CCDC86: variants seen among roughly 807,000 people sequenced by gnomAD.
The protein encoded by CCDC86 is coiled-coil domain-containing protein 86.
CCDC86 carries 28 observed loss-of-function variants against 36.7 expected under a neutral mutation model. The observed-to-expected ratio is 0.76, with a 90% CI of 0.57 to 1.05. CCDC86 has a LOEUF of 1.05. Ranked by LOEUF, CCDC86 falls within the 50% of genes least tolerant of loss-of-function variation. CCDC86 has a pLI of 0.00. For synonymous variants in CCDC86, 199 were observed against 203.4 expected (o/e 0.98, Z 0.18); for missense variants, 453 against 470.2 (o/e 0.96, Z 0.34).
chr11:60,842,928 T>A (rs759472767), intron 1 of CCDC86, 46 bp downstream of exon 1: 56 of 1,519,926 alleles, frequency 3.7e-5, no homozygotes, highest in Non-Finnish European at 4.8e-5. Flanking sequence ...CTCTATGGTG[T>A]TGGGACCCCG....
At position 60,850,597 on chromosome 11, in the gene CCDC86, C is replaced by G; in HGVS notation, c.*272C>G. 2.1e-6 allele frequency: 1 copy of G among 471,374 alleles called. No homozygotes were observed. 29.2% of individuals were successfully genotyped at this position (471,374 alleles called of 1,614,324 possible). A position where few individuals can be genotyped will look rare whatever the true frequency, so the allele number is the denominator to read the frequency against. ...CTTCCTCTCCTTCTCCAAGTGCCTTCAAACCAAGAACTGTACATTCTTCTG... is the reference window on the plus strand; with the variant it reads ...CTTCCTCTCCTTCTCCAAGTGCCTTGAAACCAAGAACTGTACATTCTTCTG... On this transcript the variant is annotated 3_prime_UTR_variant, in exon 4 of 4. Transcript: ENST00000227520.
chr11:60,844,822 G>A (rs1355924086), intron 1 of CCDC86, among the ~76,000 whole-genome samples: 1 of 152,196 alleles, frequency 6.6e-6, no homozygotes, highest in Non-Finnish European at 1.5e-5. Flanking sequence ...CTGAACAAGT[G>A]GATGAATTGA....
chr11:60,847,695 C>T (rs1855203239), intron 1 of CCDC86: 6 of 389,140 alleles, frequency 1.5e-5, no homozygotes, highest in South Asian at 1.3e-4. Flanking sequence ...GATAGGAGTA[C>T]CCACCTCAGA....
intron 2 of CCDC86, among the ~76,000 whole-genome samples, chr11:60,848,758 G>A (rs1029378450): frequency 3.9e-5 from 6 of 152,106 alleles, no homozygotes; most frequent in African/African-American, 1.4e-4. Flanking sequence ...TGCCGAACGG[G>A]ATTCAGACAA....
chr11:60,844,877 T>C (rs1855164274), intron 1 of CCDC86, among the ~76,000 whole-genome samples: 1 of 152,238 alleles, frequency 6.6e-6, no homozygotes, highest in African/African-American at 2.4e-5. Context: ...TGCTCAGATC[T>C]TGGGTAAACA....
At position 60,850,198 on chromosome 11, in the gene CCDC86, A is replaced by G; in HGVS notation, c.964-8A>G. 2 of 1,613,244 alleles carry G rather than the reference A, an allele frequency of 1.2e-6. No individual in the cohort carries two copies. Among genetic ancestry groups the G allele is most frequent in the Non-Finnish European group, 8.5e-7 (1 of 1,179,802 alleles). On this transcript the variant is annotated splice_polypyrimidine_tract_variant and splice_region_variant and intron_variant, in intron 3 of 3. Transcript: ENST00000227520. ...TGCACTAATGTCCTCCCCTCATACC[A>G]CCCCCAGATCCGAAACCCCGCCAAG...
At chr11:60,848,930 G>T (rs1356097016) in intron 2 of CCDC86, among the ~76,000 whole-genome samples, 1 of 152,290 alleles carries the variant, frequency 6.6e-6, no homozygotes, top group Admixed American at 6.5e-5. Context: ...CTCTTTTCCT[G>T]TGTGGCCCTG....
In CCDC86 at chr11:60,850,468, C is replaced by A; in HGVS notation, c.*143C>A. The A allele has an allele frequency of 1.8e-6, 2 of 1,142,198 alleles. No homozygotes were observed. The highest frequency in any genetic ancestry group is 2.4e-6 in the Non-Finnish European group (2 of 828,592). 70.8% of individuals were successfully genotyped at this position (1,142,198 alleles called of 1,614,324 possible). A position where few individuals can be genotyped will look rare whatever the true frequency, so the allele number is the denominator to read the frequency against. ...GACCCCCACCCCGACCGGGGCTCCTCGGCCTTTGAAGGCTTCCAGGCAGGT... is the reference window on the plus strand; with the variant it reads ...GACCCCCACCCCGACCGGGGCTCCTAGGCCTTTGAAGGCTTCCAGGCAGGT... On this transcript the variant is annotated 3_prime_UTR_variant, in exon 4 of 4. Transcript: ENST00000227520.
In CCDC86 at chr11:60,842,193, C is replaced by A. The variant is rs778234634; in HGVS notation, c.69C>A (p.Thr23=). The A allele has an allele frequency of 6.2e-7, 1 of 1,613,226 alleles. No individual in the cohort carries two copies. The highest frequency in any genetic ancestry group is 1.1e-5 in the South Asian group (1 of 91,062). Residue 23 remains threonine (T), a synonymous_variant, in exon 1 of 4, where the codon ACC becomes ACA. Transcript: ENST00000227520. ...GLRPESPESL[T]SVSRTRRALV... The stretch of plus-strand genomic sequence containing the variant: ...GGCCCGAATCCCCCGAGAGCCTCAC[C>A]TCAGTTTCGCGGACGAGACGGGCCC...
At position 60,847,742 on chromosome 11, in the gene CCDC86, C is replaced by T. The variant is rs1023869844; in HGVS notation, c.759-182C>T. On this transcript the variant is annotated intron_variant, in intron 1 of 3. Coordinates refer to ENST00000227520, the MANE Select transcript of CCDC86 (RefSeq NM_024098.4). Reference sequence around the variant, plus strand: ...AAGGCTTGAGAAATGGCAGCCAGCACGATCAGGGTTCCCTCCCGCCCCAAG... The same window carrying T: ...AAGGCTTGAGAAATGGCAGCCAGCATGATCAGGGTTCCCTCCCGCCCCAAG... 81 of 647,418 alleles carry T rather than the reference C, an allele frequency of 1.3e-4. 1 individual carries two copies. The highest frequency in any genetic ancestry group is 7.4e-4 in the Middle Eastern group (2 of 2,720). The allele number at this position is 647,418 out of a possible 1,614,324, so 40.1% of individuals were successfully genotyped here. A position where few individuals can be genotyped will look rare whatever the true frequency, so the allele number is the denominator to read the frequency against.
At chr11:60,846,238 A>T (rs1466018546) in intron 1 of CCDC86, among the ~76,000 whole-genome samples, 1 of 152,156 alleles carries the variant, frequency 6.6e-6, no homozygotes, top group Admixed American at 6.5e-5. Flanking sequence ...TTATGGGGGA[A>T]GTCCATGTGG....
Position 60,842,208 on chromosome 11 carries a change from G to C in CCDC86, c.84G>C (p.Thr28=), listed in dbSNP as rs746085514. Residue 28 remains threonine, a synonymous_variant, in exon 1 of 4, where the codon ACG becomes ACC. Transcript: ENST00000227520. ...AGAGCCTCACCTCAGTTTCGCGGAC[G>C]AGACGGGCCCTTGTGGAGTTCGAGT... is the stretch of plus-strand genomic sequence containing the variant. ...SPESLTSVSR[T]RRALVEFESN... 6.2e-7 allele frequency: 1 copy of C among 1,613,324 alleles called. No individual in the cohort carries two copies. Among genetic ancestry groups the C allele is most frequent in the Non-Finnish European group, 8.5e-7 (1 of 1,179,852 alleles).
rs1009923469 is a variant in CCDC86 at position 60,844,496 on chromosome 11, G to A, written c.758+1614G>A. On this transcript the variant is annotated intron_variant, in intron 1 of 3. Transcript: ENST00000227520. ...CCCTCCTTCCTCAGCGCCTTCACAC[G>A]TGCTGTTCCCACTGTTTGAAAGGCT... 4.6e-5 allele frequency among the ~76,000 whole-genome samples: 7 copies of A among 152,160 alleles called. No homozygotes were observed. In the South Asian group the frequency reaches 6.2e-4, roughly 14 times the overall value.
At chr11:60,847,621 A>G (rs1855202319) in intron 1 of CCDC86, 1 of 176,748 alleles carries the variant, frequency 5.7e-6, no homozygotes, top group Non-Finnish European at 1.2e-5. Context: ...TGACTGCCAC[A>G]AGGTATCTTT....
chr11:60,845,017 C>T lies in CCDC86; in HGVS notation c.758+2135C>T, dbSNP rs1590572070. 3.3e-5 allele frequency among the ~76,000 whole-genome samples: 5 copies of T among 152,240 alleles called. 1 individual carries two copies. The highest frequency in any genetic ancestry group is 3.3e-4 in the Admixed American group (5 of 15,288). Reference sequence around the variant, plus strand: ...AAGAAAAATAAACCAGGATGGGGACCAGAGAATAACAGGGAGGGCAGGGTA... The same window carrying T: ...AAGAAAAATAAACCAGGATGGGGACTAGAGAATAACAGGGAGGGCAGGGTA... On this transcript the variant is annotated intron_variant, in intron 1 of 3. Transcript: ENST00000227520.
chr11:60,850,440 A>G lies in CCDC86; in HGVS notation c.*115A>G, dbSNP rs7125995. 148,804 of 1,366,664 alleles carry G rather than the reference A, an allele frequency of 0.11. 8,737 individuals are homozygous for G. Among genetic ancestry groups the G allele is most frequent in the Middle Eastern group, 0.18 (670 of 3,816 alleles). 84.7% of individuals were successfully genotyped at this position (1,366,664 alleles called of 1,614,324 possible). On this transcript the variant is annotated 3_prime_UTR_variant, in exon 4 of 4. Transcript: ENST00000227520. Reference sequence around the variant, plus strand: ...CACTCCAAACCCATGGCTCCAGAACAGGGACCCCCACCCCGACCGGGGCTC... The same window carrying G: ...CACTCCAAACCCATGGCTCCAGAACGGGGACCCCCACCCCGACCGGGGCTC...
At position 60,842,681 on chromosome 11, in the gene CCDC86, C is replaced by T; in HGVS notation, c.557C>T (p.Pro186Leu). Reference sequence around the variant, plus strand: ...CTACTGGAGCTGACACCCAGGGCACCTGGCTCCCCCCGGGGTCAGCATGAG... The same window carrying T: ...CTACTGGAGCTGACACCCAGGGCACTTGGCTCCCCCCGGGGTCAGCATGAG... ...QPLLELTPRA[P>L]GSPRGQHEPS... The change falls in exon 1 of 4, where the codon CCT becomes CTT. Residue 186 changes from proline (P) to leucine (L), a missense_variant. Transcript: ENST00000227520. 1.2e-6 allele frequency: 2 copies of T among 1,613,894 alleles called. No individual in the cohort carries two copies. The highest frequency in any genetic ancestry group is 1.3e-5 in the African/African-American group (1 of 75,054).
At position 60,850,655 on chromosome 11, in the gene CCDC86, T is replaced by G; in HGVS notation, c.*330T>G. 1 of 310,844 alleles carries G rather than the reference T, an allele frequency of 3.2e-6. No homozygotes were observed. The highest frequency in any genetic ancestry group is 6.2e-5 in the East Asian group (1 of 16,104). The allele number at this position is 310,844 out of a possible 1,614,324, so 19.3% of individuals were successfully genotyped here. On this transcript the variant is annotated 3_prime_UTR_variant, in exon 4 of 4. Coordinates refer to ENST00000227520, the MANE Select transcript of CCDC86 (RefSeq NM_024098.4). Reference sequence around the variant, plus strand: ...AGTGAGCTGGTGACTGGCAGGTGACTCCCTCAGCAGTGTATGCCCTTTCTC... The same window carrying G: ...AGTGAGCTGGTGACTGGCAGGTGACGCCCTCAGCAGTGTATGCCCTTTCTC...
chr11:60,845,035 G>A (rs1180906560), intron 1 of CCDC86, among the ~76,000 whole-genome samples: 2 of 152,196 alleles, frequency 1.3e-5, no homozygotes, highest in African/African-American at 4.8e-5. Flanking sequence ...AACAGGGAGG[G>A]CAGGGTATTG....
Sources: allele counts gnomAD v4.1 joint callset (sites outside exome capture counted in the v4.1 genomes callset), GRCh38; gene constraint gnomAD v4.1.1; transcripts MANE v1.5; gene names NCBI Gene and HGNC (gene_info 2026-07-23, HGNC 2026-07-21).